Variants in GPR160 observed in about 807,000 individuals in gnomAD.
GPR160 encodes probable G protein-coupled receptor 160.
A neutral mutation model predicts 2.6 loss-of-function variants in GPR160; 2 were observed. The ratio of observed to expected loss-of-function variants is 0.77; its 90% confidence interval spans 0.32 to 2.44. GPR160 has a LOEUF of 2.44. Among genes scored for constraint, GPR160 ranks in the 30% most tolerant of loss-of-function variants. GPR160 has a pLI of 0.11. For missense variants in GPR160, 351 were observed against 383.6 expected (o/e 0.91, Z 0.71); for synonymous variants, 130 against 132.2 (o/e 0.98, Z 0.12).
intron 2 of GPR160, among the ~76,000 whole-genome samples, chr3:170,060,483 C>T (rs1197858948): frequency 3.3e-5 from 5 of 152,150 alleles, no homozygotes; most frequent in Admixed American, 2.0e-4. Context: ...GTAAAATGGA[C>T]GAGGCGAGGT....
chr3:170,045,941 A>ATACC (rs1559981465), intron 2 of GPR160, among the ~76,000 whole-genome samples: 1 of 152,192 alleles, frequency 6.6e-6, no homozygotes, highest in African/African-American at 2.4e-5. Context: ...AGTAATAATA[A>ATACC]TACCTACATC....
intron 2 of GPR160, among the ~76,000 whole-genome samples, chr3:170,058,857 C>G (rs1230610587): frequency 5.3e-5 from 8 of 151,912 alleles, no homozygotes; most frequent in Admixed American, 5.2e-4. Context: ...CATAATGCAG[C>G]CATAAAAACA....
chr3:170,077,669 C>T (rs952121195), intron 2 of GPR160: 1 of 152,232 alleles, frequency 6.6e-6, no homozygotes, highest in Admixed American at 6.5e-5. Context: ...GTTAATTACC[C>T]GCAGACTGTG....
chr3:170,076,501 T>C (rs965106526), intron 2 of GPR160, among the ~76,000 whole-genome samples: 1 of 152,158 alleles, frequency 6.6e-6, no homozygotes, highest in Admixed American at 6.5e-5. Context: ...CAGTAATCAG[T>C]ACAGTCACTG....
At position 170,073,218 on chromosome 3, in the gene GPR160, T is replaced by TGC. The variant is rs1220625388; in HGVS notation, c.-192-6556_-192-6555insGC. On this transcript the variant is annotated intron_variant, in intron 2 of 3. Transcript: ENST00000355897. Reference sequence around the variant, plus strand: ...AAAAAAAGAAAAAATTATTGCCTATTATAATTTGTTGTGACAGCCCTAGGA... The same window carrying TGC: ...AAAAAAAGAAAAAATTATTGCCTATTGCATAATTTGTTGTGACAGCCCTAGGA... Among the ~76,000 whole-genome samples, 78 of 152,262 alleles carry TGC rather than the reference T, an allele frequency of 5.1e-4. 1 individual carries two copies. Among genetic ancestry groups the TGC allele is most frequent in the African/African-American group, 1.7e-3 (69 of 41,580 alleles).
intron 2 of GPR160, among the ~76,000 whole-genome samples, chr3:170,059,158 T>G (rs1711802741): frequency 6.6e-6 from 1 of 152,284 alleles, no homozygotes; most frequent in Middle Eastern, 3.4e-3. Context: ...AAATGAGACT[T>G]TTCTGAGCGT....
intron 2 of GPR160, chr3:170,062,735 G>A: frequency 4.3e-6 from 5 of 1,168,256 alleles, no homozygotes; most frequent in Admixed American, 1.8e-5. Flanking sequence ...GCAAACTCAC[G>A]GATTTCTACC....
chr3:170,074,234 G>A (rs745483377), intron 2 of GPR160, among the ~76,000 whole-genome samples: 10 of 151,884 alleles, frequency 6.6e-5, no homozygotes, highest in African/African-American at 1.7e-4. Flanking sequence ...ACGGAGTTTC[G>A]GTAGTGTCTT....
intron 2 of GPR160, among the ~76,000 whole-genome samples, chr3:170,068,686 A>G (rs970718706): frequency 6.6e-6 from 1 of 152,074 alleles, no homozygotes; most frequent in African/African-American, 2.4e-5. Context: ...TTCTGTTGTT[A>G]TTATAAATAG....
rs1271477514 is a variant in GPR160 at position 170,056,812 on chromosome 3, G to GA, written c.-193+17774dup. 2.0e-5 allele frequency among the ~76,000 whole-genome samples: 3 copies of GA among 152,284 alleles called. No homozygotes were observed. In the East Asian group the frequency reaches 5.8e-4, roughly 29 times the overall value. ...ATTGGCACTGTGCCTATTTTTGGCA[G>GA]AAAAAGCCTATGGGCCATGGTGAAT... On this transcript the variant is annotated intron_variant, in intron 2 of 3. Coordinates refer to ENST00000355897, the MANE Select transcript of GPR160 (RefSeq NM_014373.3).
At chr3:170,071,496 A>G (rs896356126) in intron 2 of GPR160, among the ~76,000 whole-genome samples, 4 of 152,126 alleles carry the variant, frequency 2.6e-5, no homozygotes, top group Non-Finnish European at 4.4e-5. Flanking sequence ...CTTGAGCCCA[A>G]TAAACCTCTT....
chr3:170,061,002 C>T (rs909369986), intron 2 of GPR160, among the ~76,000 whole-genome samples: 2 of 151,498 alleles, frequency 1.3e-5, no homozygotes, highest in African/African-American at 4.8e-5. Flanking sequence ...TTGCCGGGCA[C>T]GGTGGCTCAC....
chr3:170,067,194 A>G (rs1712385443), intron 2 of GPR160, among the ~76,000 whole-genome samples: 1 of 152,094 alleles, frequency 6.6e-6, no homozygotes, highest in African/African-American at 2.4e-5. Flanking sequence ...TAGTAGAGAC[A>G]GGATATTGCC....
chr3:170,073,063 C>T (rs994466977), intron 2 of GPR160, among the ~76,000 whole-genome samples: 8 of 152,102 alleles, frequency 5.3e-5, no homozygotes, highest in African/African-American at 1.9e-4. Flanking sequence ...TGGCATGAGC[C>T]TGTGGTCCCA....
chr3:170,060,074 G>A (rs1186034991), intron 2 of GPR160, among the ~76,000 whole-genome samples: 2 of 151,812 alleles, frequency 1.3e-5, no homozygotes, highest in Non-Finnish European at 1.5e-5. Context: ...AGGGCTCCTT[G>A]AAAAAAAATG....
In GPR160 at chr3:170,072,118, A is replaced by G. The variant is rs1188020303; in HGVS notation, c.-192-7656A>G. On this transcript the variant is annotated intron_variant, in intron 2 of 3. Transcript: ENST00000355897. ...GAGGCAGATTCTCGCTTTGTCACCCAGGCTGGAGTGCAGTGGCATGATTGT... is the reference window on the plus strand; with the variant it reads ...GAGGCAGATTCTCGCTTTGTCACCCGGGCTGGAGTGCAGTGGCATGATTGT... 5.8e-5 allele frequency among the ~76,000 whole-genome samples: 7 copies of G among 121,210 alleles called. No individual in the cohort carries two copies. In the Admixed American group the frequency reaches 8.0e-4, roughly 14 times the overall value. 79.5% of individuals were successfully genotyped at this position (121,210 alleles called of 152,430 possible). A position where few individuals can be genotyped will look rare whatever the true frequency, so the allele number is the denominator to read the frequency against.
chr3:170,069,947 G>A (rs1027258024), intron 2 of GPR160, among the ~76,000 whole-genome samples: 2 of 151,992 alleles, frequency 1.3e-5, no homozygotes, highest in Non-Finnish European at 2.9e-5. Flanking sequence ...CTGTCTTCTC[G>A]CTGTGCCCTC....
At chr3:170,043,799 TA>T (rs931245647) in intron 2 of GPR160, among the ~76,000 whole-genome samples, 15 of 150,558 alleles carry the variant, frequency 1.0e-4, no homozygotes, top group Non-Finnish European at 5.9e-5. Context: ...GCATAGAGCT[TA>T]AAAAAAAACA....
intron 2 of GPR160, among the ~76,000 whole-genome samples, chr3:170,039,995 A>G (rs1470157214): frequency 1.4e-5 from 2 of 145,798 alleles, no homozygotes; most frequent in Non-Finnish European, 3.0e-5. Context: ...GGACACAGGC[A>G]GGGGAACTTC....
Sources: allele counts gnomAD v4.1 joint callset (sites outside exome capture counted in the v4.1 genomes callset), GRCh38; gene constraint gnomAD v4.1.1; transcripts MANE v1.5; gene names NCBI Gene and HGNC (gene_info 2026-07-23, HGNC 2026-07-21).